MSTO1: variants seen among roughly 807,000 people sequenced by gnomAD.
MSTO1 encodes protein misato homolog 1.
MSTO1 carries 24 observed loss-of-function variants against 55.7 expected under a neutral mutation model. That is an observed-to-expected ratio of 0.43 (90% confidence interval 0.31 to 0.61). The LOEUF (loss-of-function observed/expected upper bound fraction) is 0.61, where lower values mean the gene tolerates loss of function less well. Among genes scored for constraint, MSTO1 ranks in the 20% least tolerant of loss-of-function variants. MSTO1 has a pLI of 0.09. For synonymous variants in MSTO1, 162 were observed against 252.8 expected (o/e 0.64, Z 3.41); for missense variants, 363 against 625.7 (o/e 0.58, Z 4.48).
the MSTO1 span, among the ~76,000 whole-genome samples, chr1:155,565,373 A>G: frequency 6.6e-6 from 1 of 152,088 alleles, no homozygotes; most frequent in Non-Finnish European, 1.5e-5. Flanking sequence ...GAGAAAGACA[A>G]TTAGCATTTG....
Position 155,613,516 on chromosome 1 carries a change from G to C in MSTO1, c.1338G>C (p.Gly446=), listed in dbSNP as rs779421747. Residue 446 remains glycine (G), a synonymous_variant, in exon 12 of 14, where the codon GGG becomes GGC. Transcript: ENST00000245564. ...CTGCCCTTCATGCATGTACCACTGG[G>C]GAAGAAATCTTGGCTCAGTATTTAC... ...PPSALHACTT[G]EEILAQYLQQ... is the part of the protein sequence containing the mutation. The C allele has an allele frequency of 1.2e-6, 2 of 1,613,544 alleles. No homozygotes were observed. Among genetic ancestry groups the C allele is most frequent in the South Asian group, 2.2e-5 (2 of 90,936 alleles).
the MSTO1 span, among the ~76,000 whole-genome samples, chr1:155,587,640 A>G: frequency 6.7e-6 from 1 of 149,260 alleles, no homozygotes; most frequent in Non-Finnish European, 1.5e-5. Flanking sequence ...GCTACTTGGG[A>G]GGCTGAGGCA....
At position 155,614,667 on chromosome 1, in the gene MSTO1, C is replaced by G; in HGVS notation, c.*394C>G. The G allele has an allele frequency of 6.6e-7, 1 of 1,526,064 alleles. No homozygotes were observed. Among genetic ancestry groups the G allele is most frequent in the Non-Finnish European group, 9.1e-7 (1 of 1,101,164 alleles). The allele number at this position is 1,526,064 out of a possible 1,614,324, so 94.5% of individuals were successfully genotyped here. A position where few individuals can be genotyped will look rare whatever the true frequency, so the allele number is the denominator to read the frequency against. ...CAAGCAGAGTACAACTACCCGCCTC[C>G]CCGGTGCCAGGGCGCCTGTTGGGTT... is the stretch of plus-strand genomic sequence containing the variant. On this transcript the variant is annotated 3_prime_UTR_variant, in exon 14 of 14. Coordinates refer to ENST00000245564, the MANE Select transcript of MSTO1 (RefSeq NM_018116.4).
At chr1:155,591,154 C>T in the MSTO1 span, 54 of 1,613,298 alleles carry the variant, frequency 3.3e-5, no homozygotes, top group Middle Eastern at 6.6e-4. Context: ...ATGCTGTTGC[C>T]GATGAAAGTG....
the MSTO1 span, among the ~76,000 whole-genome samples, chr1:155,601,875 C>G: frequency 1.3e-5 from 2 of 152,066 alleles, no homozygotes; most frequent in South Asian, 4.2e-4. Context: ...CAGCCTCAGC[C>G]TCCCAAGTAG....
the MSTO1 span, among the ~76,000 whole-genome samples, chr1:155,568,742 T>G: frequency 9.8e-5 from 15 of 152,294 alleles, no homozygotes; most frequent in East Asian, 2.9e-3. Context: ...CCAGCCAGTT[T>G]TTTTGTTTTG....
the MSTO1 span, chr1:155,563,715 T>A: frequency 2.7e-6 from 1 of 368,716 alleles, no homozygotes; most frequent in South Asian, 2.0e-5. Flanking sequence ...TTTTTGTTAG[T>A]TCCTTATCAA....
chr1:155,588,134 G>C, the MSTO1 span, among the ~76,000 whole-genome samples: 532 of 151,194 alleles, frequency 3.5e-3, 2 homozygotes, highest in African/African-American at 0.012. Context: ...GCTTTAGCCT[G>C]GGAGGCGGAG....
At chr1:155,604,864 G>T in the MSTO1 span, among the ~76,000 whole-genome samples, 3 of 152,136 alleles carry the variant, frequency 2.0e-5, no homozygotes, top group African/African-American at 4.8e-5. Context: ...GACAAAGTGA[G>T]ATCCTATCTC....
intron 13 of MSTO1, 87 bp from the exon 14 acceptor site, chr1:155,613,972 T>C: frequency 6.4e-7 from 1 of 1,573,372 alleles, no homozygotes; most frequent in South Asian, 1.2e-5. Flanking sequence ...TCAAGTCTAC[T>C]AAGGTTGGAC....
the MSTO1 span, among the ~76,000 whole-genome samples, chr1:155,588,748 C>T: frequency 6.6e-6 from 1 of 152,000 alleles, no homozygotes; most frequent in African/African-American, 2.4e-5. Flanking sequence ...CGGGATTAGT[C>T]GAGTCAGCAG....
the MSTO1 span, among the ~76,000 whole-genome samples, chr1:155,575,901 C>A: frequency 1.3e-5 from 2 of 151,750 alleles, no homozygotes; most frequent in African/African-American, 4.8e-5. Flanking sequence ...CGGCTCACTG[C>A]AACCTCCACC....
the MSTO1 span, among the ~76,000 whole-genome samples, chr1:155,588,223 A>G: frequency 1.3e-5 from 2 of 152,178 alleles, no homozygotes; most frequent in Middle Eastern, 3.4e-3. Flanking sequence ...AAAAAAAAAA[A>G]AAAGTTGCCA....
At chr1:155,575,803 T>A in the MSTO1 span, among the ~76,000 whole-genome samples, 2 of 135,810 alleles carry the variant, frequency 1.5e-5, no homozygotes, top group East Asian at 2.1e-4. Context: ...TATTTTTATT[T>A]ATTTATTTAT....
chr1:155,614,824 C>G lies in MSTO1; in HGVS notation c.*551C>G, dbSNP rs1344640449. On this transcript the variant is annotated 3_prime_UTR_variant, in exon 14 of 14. Coordinates refer to ENST00000245564, the MANE Select transcript of MSTO1 (RefSeq NM_018116.4). ...ATCCTCATCCTCAGAGCTGGCTTCA[C>G]AGGCAGTGTGGAAGAGCTGCATGAG... is the stretch of plus-strand genomic sequence containing the variant. The G allele has an allele frequency of 1.3e-6, 2 of 1,578,916 alleles. No individual in the cohort carries two copies. The highest frequency in any genetic ancestry group is 1.2e-5 in the South Asian group (1 of 86,508).
the MSTO1 span, among the ~76,000 whole-genome samples, chr1:155,580,967 G>GTTTC: frequency 6.7e-6 from 1 of 149,538 alleles, no homozygotes; most frequent in African/African-American, 2.5e-5. Context: ...TACCTAAACA[G>GTTTC]TTTCATCAGA....
the MSTO1 span, among the ~76,000 whole-genome samples, chr1:155,567,037 G>C: frequency 2.0e-5 from 3 of 152,036 alleles, no homozygotes; most frequent in Admixed American, 6.6e-5. Context: ...GCAGGAACTT[G>C]TTTTTTCTAA....
chr1:155,564,627 GC>G, the MSTO1 span, among the ~76,000 whole-genome samples: 1 of 152,216 alleles, frequency 6.6e-6, no homozygotes, highest in Non-Finnish European at 1.5e-5. Flanking sequence ...GAGGAAAGCA[GC>G]CTTAATTACC....
chr1:155,581,113 TTATC>T, the MSTO1 span, among the ~76,000 whole-genome samples: 5 of 152,102 alleles, frequency 3.3e-5, no homozygotes, highest in African/African-American at 1.2e-4. Context: ...TGGGATTTGT[TTATC>T]TACATTTTAT....
Sources: gnomAD v4.1 joint callset for allele counts (sites outside exome capture counted in the v4.1 genomes callset) on GRCh38, gnomAD v4.1.1 for gene constraint, MANE v1.5 for transcripts, NCBI Gene and HGNC (gene_info 2026-07-23, HGNC 2026-07-21) for gene names.